Variants in FTCDNL1 observed in about 807,000 individuals in gnomAD.
FTCDNL1 encodes the protein formiminotransferase cyclodeaminase N-terminal like.
FTCDNL1 carries 11 observed loss-of-function variants against 5.9 expected under a neutral mutation model. The observed-to-expected ratio is 1.87, with a 90% CI of 1.18 to 3.10. FTCDNL1 has a LOEUF of 3.10. Among genes scored for constraint, FTCDNL1 ranks in the 30% most tolerant of loss-of-function variants. The pLI is 0.00. For missense variants in FTCDNL1, 115 were observed against 65.5 expected (o/e 1.76, Z -2.61); for synonymous variants, 58 against 24.8 (o/e 2.34, Z -3.99).
At chr2:199,709,811 T>G in the FTCDNL1 span, among the ~76,000 whole-genome samples, 2 of 152,108 alleles carry the variant, frequency 1.3e-5, no homozygotes, top group African/African-American at 4.8e-5. Context: ...TAGAAAAGGT[T>G]TTTGTAAAAA....
chr2:199,760,478 C>CA (rs1189832379), downstream of FTCDNL1: 1 of 242,498 alleles, frequency 4.1e-6, no homozygotes, highest in Non-Finnish European at 8.1e-6. Context: ...CAAACAAACA[C>CA]AAATGCCTTT....
the FTCDNL1 span, among the ~76,000 whole-genome samples, chr2:199,722,281 T>A: frequency 6.6e-6 from 1 of 152,342 alleles, no homozygotes; most frequent in Admixed American, 6.5e-5. Flanking sequence ...AAGTCTTTGG[T>A]GCATCTTGAA....
At chr2:199,742,758 A>G in the FTCDNL1 span, among the ~76,000 whole-genome samples, 1 of 152,240 alleles carries the variant, frequency 6.6e-6, no homozygotes, top group Admixed American at 6.5e-5. Flanking sequence ...TTGTACCCAA[A>G]GAGTCTCTCG....
chr2:199,848,739 T>G, intron 2 of FTCDNL1, 109 bp downstream of exon 2: 2 of 578,568 alleles, frequency 3.5e-6, no homozygotes, highest in Non-Finnish European at 6.1e-6. Flanking sequence ...GGAGGAAAAT[T>G]CAGGAAGAAA....
At position 199,819,718 on chromosome 2, in the gene FTCDNL1, C is replaced by T. The variant is rs1479863153; in HGVS notation, c.251G>A (p.Ser84Asn). The T allele has an allele frequency of 1.7e-5, 12 of 702,178 alleles. No individual in the cohort carries two copies. The highest frequency in any genetic ancestry group is 1.5e-4 in the South Asian group (10 of 67,592). The allele number at this position is 702,178 out of a possible 1,614,324, so 43.5% of individuals were successfully genotyped here. A position where few individuals can be genotyped will look rare whatever the true frequency, so the allele number is the denominator to read the frequency against. Residue 84 changes from serine (S) to asparagine (N), a missense_variant, in exon 4 of 5, where the codon AGC (serine) becomes AAC (asparagine). Physicochemically the swap from Ser to Asn is conservative, Grantham distance 46 (BLOSUM62 1). Transcript: ENST00000420128. ...EDLVLHVPGC[S>N]VFLFGEADLP... ...GTCAGCTTCGCCAAAGAGAAACACG[C>T]TGCAGCCAGGAACATGCAGCACCAG...
At chr2:199,728,419 T>C in the FTCDNL1 span, among the ~76,000 whole-genome samples, 1 of 152,160 alleles carries the variant, frequency 6.6e-6, no homozygotes, top group East Asian at 1.9e-4. Flanking sequence ...GCTAATTTTT[T>C]TTGTATTTTT....
intron 3 of FTCDNL1, among the ~76,000 whole-genome samples, chr2:199,788,416 G>A: frequency 6.6e-6 from 1 of 152,104 alleles, no homozygotes; most frequent in East Asian, 1.9e-4. Flanking sequence ...TAATAAAAGG[G>A]TCGCCAAAAT....
At chr2:199,753,013 A>AGGATGGGAGGGATGGAGGAT in the FTCDNL1 span, among the ~76,000 whole-genome samples, 7 of 152,290 alleles carry the variant, frequency 4.6e-5, no homozygotes, top group South Asian at 1.4e-3. Context: ...AGAAGCTTAT[A>AGGATGGGAGGGATGGAGGAT]GGGAGACTTT....
chr2:199,778,749 G>T (rs1186899552), intron 3 of FTCDNL1, among the ~76,000 whole-genome samples: 1 of 152,154 alleles, frequency 6.6e-6, no homozygotes, highest in Non-Finnish European at 1.5e-5. Context: ...AAGAGAATGT[G>T]GTTCTCAGGA....
the FTCDNL1 span, among the ~76,000 whole-genome samples, chr2:199,689,290 T>C: frequency 2.7e-3 from 406 of 152,316 alleles, 5 homozygotes; most frequent in African/African-American, 9.0e-3. Context: ...GTCTAGGTAT[T>C]TGGATCAAGA....
intron 3 of FTCDNL1, among the ~76,000 whole-genome samples, chr2:199,826,388 A>C (rs1702032775): frequency 6.6e-6 from 1 of 151,674 alleles, no homozygotes; most frequent in Non-Finnish European, 1.5e-5. Context: ...AATTTACTTT[A>C]CATTTCTGAG....
At chr2:199,773,730 T>C (rs1698926417) in intron 3 of FTCDNL1, among the ~76,000 whole-genome samples, 1 of 152,236 alleles carries the variant, frequency 6.6e-6, no homozygotes, top group Non-Finnish European at 1.5e-5. Flanking sequence ...CTATGTCCAA[T>C]AAACCATCTC....
chr2:199,778,495 T>A (rs555443821), intron 3 of FTCDNL1, among the ~76,000 whole-genome samples: 1 of 152,308 alleles, frequency 6.6e-6, no homozygotes, highest in Non-Finnish European at 1.5e-5. Flanking sequence ...TAAGGGCACC[T>A]GCGAGCACTT....
chr2:199,784,865 G>A (rs1699554707), intron 3 of FTCDNL1, among the ~76,000 whole-genome samples: 1 of 152,176 alleles, frequency 6.6e-6, no homozygotes, highest in African/African-American at 2.4e-5. Flanking sequence ...AGTGGCCTAA[G>A]GATAGCCTAC....
the FTCDNL1 span, among the ~76,000 whole-genome samples, chr2:199,669,879 T>A: frequency 6.6e-6 from 1 of 152,304 alleles, no homozygotes; most frequent in East Asian, 1.9e-4. Flanking sequence ...GGGAATTTTA[T>A]AATAAAATAT....
intron 3 of FTCDNL1, among the ~76,000 whole-genome samples, chr2:199,842,146 T>C (rs1279524233): frequency 1.3e-5 from 2 of 151,652 alleles, no homozygotes; most frequent in Non-Finnish European, 2.9e-5. Flanking sequence ...TGCACACCTA[T>C]AGTCCCAGCT....
At chr2:199,692,218 C>T in the FTCDNL1 span, among the ~76,000 whole-genome samples, 2 of 152,144 alleles carry the variant, frequency 1.3e-5, no homozygotes, top group African/African-American at 2.4e-5. Context: ...CCTTGAGTCA[C>T]TCAATAGAAA....
the FTCDNL1 span, among the ~76,000 whole-genome samples, chr2:199,731,571 G>C: frequency 1.1e-4 from 17 of 152,206 alleles, no homozygotes; most frequent in South Asian, 3.3e-3. Context: ...AATAGGTAAG[G>C]GTTTAAAGAG....
intron 3 of FTCDNL1, among the ~76,000 whole-genome samples, chr2:199,780,623 G>T (rs1026141034): frequency 3.3e-5 from 5 of 152,148 alleles, no homozygotes; most frequent in Non-Finnish European, 7.3e-5. Context: ...TTTGTCCCTA[G>T]GTAGCACTTC....
Sources: allele counts gnomAD v4.1 joint callset (sites outside exome capture counted in the v4.1 genomes callset), GRCh38; gene constraint gnomAD v4.1.1; transcripts MANE v1.5; gene names NCBI Gene and HGNC (gene_info 2026-07-23, HGNC 2026-07-21).